The following DCAF6 variants were observed in gnomAD, a reference collection of about 807,000 sequenced individuals.
The protein encoded by DCAF6 is DDB1- and CUL4-associated factor 6.
DCAF6 carries 54 observed loss-of-function variants against 125.1 expected under a neutral mutation model. The ratio of observed to expected loss-of-function variants is 0.43; its 90% CI spans 0.35 to 0.54. The LOEUF is 0.54. Among genes scored for constraint, DCAF6 ranks in the 20% least tolerant of loss-of-function variants. The pLI is 0.01. For missense variants in DCAF6, 934 were observed against 1,161.7 expected, an observed-to-expected ratio of 0.80 and a Z score of 2.85; for synonymous variants, 371 against 390.4, an observed-to-expected ratio of 0.95 and a Z score of 0.58.
At chr1:167,875,638 C>T in the DCAF6 span, among the ~76,000 whole-genome samples, 3 of 152,260 alleles carry the variant, frequency 2.0e-5, no homozygotes, top group South Asian at 6.2e-4. Context: ...TTCTTTAATC[C>T]TGACAAAAAC....
intron 4 of DCAF6, among the ~76,000 whole-genome samples, chr1:167,985,570 G>C (rs1215407868): frequency 6.6e-6 from 1 of 151,920 alleles, no homozygotes; most frequent in East Asian, 1.9e-4. Flanking sequence ...GGATAATTTA[G>C]GATAATCTCC....
rs182295643 is a variant in DCAF6 at position 167,991,356 on chromosome 1, A to G, written c.688+17A>G. On this transcript the variant is annotated intron_variant, in intron 6 of 21. Transcript: ENST00000367840. The stretch of plus-strand genomic sequence containing the variant: ...GAGCTACAGGTAAGAAGATAATATT[A>G]GAGAAAATATAGGACTGTCAGTTCA... 1,174 of 1,597,610 alleles carry G rather than the reference A, an allele frequency of 7.3e-4. 14 individuals carry two copies. The African/African-American group carries it at 0.013, about 18-fold the overall frequency.
intron 11 of DCAF6, among the ~76,000 whole-genome samples, chr1:168,017,204 CATTT>C (rs1353906879): frequency 4.0e-5 from 6 of 149,326 alleles, no homozygotes; most frequent in South Asian, 4.2e-4. Context: ...ACAATAATGA[CATTT>C]AATAATAAAA....
At chr1:167,951,555 A>C (rs564223510) in intron 1 of DCAF6, among the ~76,000 whole-genome samples, 15 of 152,300 alleles carry the variant, frequency 9.8e-5, no homozygotes, top group Admixed American at 6.5e-4. Context: ...AGCCTGGGCA[A>C]CAGAGTGAGA....
At chr1:167,882,670 C>A in the DCAF6 span, among the ~76,000 whole-genome samples, 1,060 of 152,116 alleles carry the variant, frequency 7.0e-3, 13 homozygotes, top group African/African-American at 0.024. Context: ...CTGGGTAATA[C>A]ATCATGCACT....
At chr1:168,034,895 C>T (rs528322857) in intron 12 of DCAF6, among the ~76,000 whole-genome samples, 2 of 152,100 alleles carry the variant, frequency 1.3e-5, no homozygotes, top group South Asian at 4.1e-4. Flanking sequence ...TAAATAGTTA[C>T]AATTTTTTTT....
intron 17 of DCAF6, chr1:168,056,445 C>T: frequency 8.1e-7 from 1 of 1,229,180 alleles, no homozygotes; most frequent in South Asian, 1.6e-5. Flanking sequence ...GCGGGGGTCG[C>T]AGCGCTACGC....
chr1:168,036,124 T>G (rs545396808), intron 12 of DCAF6, among the ~76,000 whole-genome samples: 1 of 152,276 alleles, frequency 6.6e-6, no homozygotes, highest in East Asian at 1.9e-4. Flanking sequence ...GAAGAAAGTT[T>G]TAATTATCAT....
At chr1:168,027,151 A>G (rs999527434) in intron 12 of DCAF6, among the ~76,000 whole-genome samples, 2 of 152,112 alleles carry the variant, frequency 1.3e-5, no homozygotes, top group Admixed American at 6.5e-5. Flanking sequence ...AGTTTGAGAT[A>G]TGATGTAGTG....
chr1:168,028,880 A>G (rs190140572), intron 12 of DCAF6, among the ~76,000 whole-genome samples: 14 of 152,318 alleles, frequency 9.2e-5, no homozygotes, highest in Admixed American at 4.6e-4. Flanking sequence ...TAATAAGAAT[A>G]TAAGTTCAGT....
the DCAF6 span, chr1:167,880,311 C>G: frequency 9.4e-7 from 1 of 1,066,432 alleles, no homozygotes; most frequent in Non-Finnish European, 1.4e-6. Flanking sequence ...TTTCTCTACC[C>G]GTTGGAATTA....
At chr1:167,893,861 A>G in the DCAF6 span, 137 of 1,612,898 alleles carry the variant, frequency 8.5e-5, no homozygotes, top group Non-Finnish European at 1.1e-4. Flanking sequence ...ACCTGCTTCA[A>G]AATGCTTTCC....
At chr1:167,982,887 C>A (rs1389891271) in intron 4 of DCAF6, among the ~76,000 whole-genome samples, 1 of 152,088 alleles carries the variant, frequency 6.6e-6, no homozygotes, top group African/African-American at 2.4e-5. Context: ...TATGGTTGGC[C>A]AGTGATCCCA....
Position 167,936,786 on chromosome 1 carries a change from G to T in DCAF6, c.-126G>T. ...GCCGCTGCTGCCACCGCCATCTAAC[G>T]CTGCGCCCTGGAGGCCCGGCGCGCG... On this transcript the variant is annotated 5_prime_UTR_variant, in exon 1 of 22. Transcript: ENST00000367840. The T allele has an allele frequency of 2.4e-6, 2 of 829,164 alleles. No individual in the cohort carries two copies. Among genetic ancestry groups the T allele is most frequent in the Non-Finnish European group, 3.8e-6 (2 of 522,640 alleles). The allele number at this position is 829,164 out of a possible 1,614,324, so 51.4% of individuals were successfully genotyped here. A position where few individuals can be genotyped will look rare whatever the true frequency, so the allele number is the denominator to read the frequency against.
At position 167,980,058 on chromosome 1, in the gene DCAF6, A is replaced by G. The variant is rs112374553; in HGVS notation, c.438+5043A>G. Among the ~76,000 whole-genome samples, 863 of 149,038 alleles carry G rather than the reference A, an allele frequency of 5.8e-3. 6 individuals carry two copies. The highest frequency in any genetic ancestry group is 0.02 in the African/African-American group (816 of 40,368). On this transcript the variant is annotated intron_variant, in intron 4 of 21. Transcript: ENST00000367840. Reference sequence around the variant, plus strand: ...TAGCTGGATGTGGTGGCATGTGCCTATAGTCCCAGTTACTTGGGAGGCTGA... The same window carrying G: ...TAGCTGGATGTGGTGGCATGTGCCTGTAGTCCCAGTTACTTGGGAGGCTGA...
intron 3 of DCAF6, among the ~76,000 whole-genome samples, chr1:167,971,669 A>G (rs1677326554): frequency 6.6e-6 from 1 of 152,176 alleles, no homozygotes; most frequent in Non-Finnish European, 1.5e-5. Context: ...TTACAACTAG[A>G]CCACCTTAAC....
intron 2 of DCAF6, among the ~76,000 whole-genome samples, chr1:167,959,360 G>A (rs1234500245): frequency 6.6e-6 from 1 of 152,208 alleles, no homozygotes; most frequent in Non-Finnish European, 1.5e-5. Context: ...GTGTTGGTGT[G>A]CACATACGTT....
intron 6 of DCAF6, among the ~76,000 whole-genome samples, chr1:167,992,288 C>CACACACACACA (rs1680964013): frequency 6.7e-6 from 1 of 149,440 alleles, no homozygotes; most frequent in South Asian, 2.1e-4. Context: ...CACACAAACA[C>CACACACACACA]CGAATGCACA....
chr1:167,967,611 T>C (rs1351041784), intron 3 of DCAF6, among the ~76,000 whole-genome samples: 1 of 151,062 alleles, frequency 6.6e-6, no homozygotes, highest in Non-Finnish European at 1.5e-5. Flanking sequence ...ATTCAACACA[T>C]CATTTAAAGT....
Sources: gnomAD v4.1 joint callset for allele counts (sites outside exome capture counted in the v4.1 genomes callset) on GRCh38, gnomAD v4.1.1 for gene constraint, MANE v1.5 for transcripts, NCBI Gene and HGNC (gene_info 2026-07-23, HGNC 2026-07-21) for gene names.